Variants in PTPRD observed in about 807,000 individuals in gnomAD.
PTPRD encodes receptor-type tyrosine-protein phosphatase delta.
PTPRD carries 34 observed loss-of-function variants against 214.5 expected under a neutral mutation model. The ratio of observed to expected loss-of-function variants is 0.16; its 90% CI spans 0.12 to 0.21. PTPRD has a LOEUF of 0.21. Among genes scored for constraint, PTPRD ranks in the 10% least tolerant of loss-of-function variants. The pLI, the probability that PTPRD is intolerant of heterozygous loss-of-function variation, is 1.00. For synonymous variants in PTPRD, 1,128 were observed against 845.7 expected, an observed-to-expected ratio of 1.33 and a Z score of -5.79; for missense variants, 2,545 against 2,398.7, an observed-to-expected ratio of 1.06 and a Z score of -1.27.
At chr9:9,218,277 CAT>C (rs1403512055) in intron 9 of PTPRD, among the ~76,000 whole-genome samples, 4 of 152,148 alleles carry the variant, frequency 2.6e-5, no homozygotes, top group African/African-American at 7.2e-5. Context: ...CTATGCAACT[CAT>C]AGATCCGGAT....
intron 36 of PTPRD, among the ~76,000 whole-genome samples, chr9:8,402,991 T>C (rs2092596330): frequency 1.3e-5 from 2 of 152,146 alleles, no homozygotes; most frequent in African/African-American, 4.8e-5. Context: ...AATATATCTA[T>C]GCAAAACAAT....
intron 10 of PTPRD, among the ~76,000 whole-genome samples, chr9:9,044,284 C>A (rs2099661880): frequency 6.6e-6 from 1 of 152,210 alleles, no homozygotes. Flanking sequence ...AATTTATCTT[C>A]TCTGAGCTTT....
intron 2 of PTPRD, among the ~76,000 whole-genome samples, chr9:10,465,164 T>C (rs1158771161): frequency 6.6e-6 from 1 of 152,154 alleles, no homozygotes; most frequent in African/African-American, 2.4e-5. Context: ...TGAATCCTGG[T>C]TAGTAATACA....
intron 9 of PTPRD, among the ~76,000 whole-genome samples, chr9:9,242,586 T>A (rs909913569): frequency 6.6e-6 from 1 of 152,162 alleles, no homozygotes; most frequent in African/African-American, 2.4e-5. Flanking sequence ...TTCATTTCAT[T>A]CATTTGATCT....
chr9:9,793,313 G>T (rs1398397819), intron 5 of PTPRD, among the ~76,000 whole-genome samples: 1 of 152,046 alleles, frequency 6.6e-6, no homozygotes, highest in Admixed American at 6.6e-5. Context: ...TCTCTGAGTT[G>T]TTTTGTTTTC....
At chr9:8,532,876 G>C (rs911817161) in intron 14 of PTPRD, among the ~76,000 whole-genome samples, 1 of 151,960 alleles carries the variant, frequency 6.6e-6, no homozygotes, top group Non-Finnish European at 1.5e-5. Context: ...GAAATATGCT[G>C]ATACAAAACT....
At chr9:9,939,974 A>C (rs1392789836) in intron 4 of PTPRD, among the ~76,000 whole-genome samples, 1 of 152,182 alleles carries the variant, frequency 6.6e-6, no homozygotes, top group Non-Finnish European at 1.5e-5. Context: ...CACTTAGATA[A>C]TAACTTCCTG....
intron 2 of PTPRD, among the ~76,000 whole-genome samples, chr9:10,575,834 C>T (rs1174961371): frequency 6.6e-6 from 1 of 152,098 alleles, no homozygotes; most frequent in African/African-American, 2.4e-5. Context: ...GTTCCAACAT[C>T]ATTGCTACAT....
At chr9:9,945,400 T>G (rs1458905758) in intron 4 of PTPRD, among the ~76,000 whole-genome samples, 1 of 152,122 alleles carries the variant, frequency 6.6e-6, no homozygotes, top group Admixed American at 6.6e-5. Context: ...ACTAAAGCCT[T>G]GGGTAGTCCA....
intron 2 of PTPRD, among the ~76,000 whole-genome samples, chr9:10,353,252 T>C (rs920828114): frequency 5.9e-5 from 9 of 151,968 alleles, no homozygotes; most frequent in African/African-American, 2.2e-4. Flanking sequence ...GTTGAGGTAG[T>C]CCTAATGTTC....
At chr9:8,582,236 A>G (rs142172928) in intron 14 of PTPRD, among the ~76,000 whole-genome samples, 55 of 152,324 alleles carry the variant, frequency 3.6e-4, no homozygotes, top group African/African-American at 1.3e-3. Context: ...GTAGAATAAC[A>G]AGATTAGATC....
intron 4 of PTPRD, among the ~76,000 whole-genome samples, chr9:9,953,032 C>T (rs972839290): frequency 6.6e-6 from 1 of 152,120 alleles, no homozygotes; most frequent in Admixed American, 6.5e-5. Context: ...TTAGGATGAA[C>T]TGCAGAAATT....
At chr9:10,054,172 A>C (rs1453254211) in intron 3 of PTPRD, among the ~76,000 whole-genome samples, 1 of 152,160 alleles carries the variant, frequency 6.6e-6, no homozygotes, top group East Asian at 1.9e-4. Context: ...AAAAATCCCC[A>C]ATGGCCAATG....
intron 3 of PTPRD, among the ~76,000 whole-genome samples, chr9:10,182,899 A>T (rs1305868974): frequency 6.6e-5 from 10 of 152,164 alleles, no homozygotes; most frequent in Admixed American, 5.9e-4. Flanking sequence ...CAGCAGTTAA[A>T]TGACACCATG....
chr9:10,508,715 T>G (rs1445632115), intron 2 of PTPRD, among the ~76,000 whole-genome samples: 2 of 151,998 alleles, frequency 1.3e-5, no homozygotes, highest in African/African-American at 2.4e-5. Flanking sequence ...AAACACCGCA[T>G]GTTCTCACTC....
chr9:8,953,897 G>A (rs1309274257), intron 11 of PTPRD, among the ~76,000 whole-genome samples: 1 of 151,850 alleles, frequency 6.6e-6, no homozygotes, highest in African/African-American at 2.4e-5. Context: ...ACACTGGTGG[G>A]AATGTAATTA....
intron 9 of PTPRD, among the ~76,000 whole-genome samples, chr9:9,371,962 A>G (rs567357850): frequency 1.2e-4 from 18 of 152,252 alleles, no homozygotes; most frequent in Non-Finnish European, 2.5e-4. Context: ...GTTTGATTGC[A>G]CTGTGGTCTG....
chr9:8,846,103 A>G (rs535009861), intron 11 of PTPRD, among the ~76,000 whole-genome samples: 2 of 152,366 alleles, frequency 1.3e-5, no homozygotes, highest in South Asian at 4.1e-4. Context: ...ATGAGTAGAT[A>G]CACACACTCT....
At chr9:9,969,382 G>A (rs890825615) in intron 4 of PTPRD, among the ~76,000 whole-genome samples, 2 of 151,956 alleles carry the variant, frequency 1.3e-5, no homozygotes, top group Non-Finnish European at 1.5e-5. Flanking sequence ...CCACCAATAG[G>A]GTACCCTTGA....
Sources: allele counts gnomAD v4.1 joint callset (sites outside exome capture counted in the v4.1 genomes callset), GRCh38; gene constraint gnomAD v4.1.1; transcripts MANE v1.5; gene names NCBI Gene and HGNC (gene_info 2026-07-23, HGNC 2026-07-21).